The following KPNA3 variants were observed in gnomAD, a reference collection of about 807,000 sequenced individuals.
The protein encoded by KPNA3 is karyopherin subunit alpha 3.
Under a neutral mutation model 73.8 loss-of-function variants are expected in KPNA3, and 13 were observed. The ratio of observed to expected loss-of-function variants is 0.18; its 90% CI spans 0.11 to 0.28. The LOEUF (loss-of-function observed/expected upper bound fraction) is 0.28. KPNA3 is among the 10% of genes least tolerant of loss of function. The pLI, the probability that KPNA3 is intolerant of heterozygous loss-of-function variation, is 1.00. For synonymous variants in KPNA3, 186 were observed against 206.9 expected, an observed-to-expected ratio of 0.90 and a Z score of 0.87; for missense variants, 360 against 618.1, an observed-to-expected ratio of 0.58 and a Z score of 4.43.
intron 9 of KPNA3, among the ~76,000 whole-genome samples, chr13:49,720,060 C>A (rs1249032879): frequency 6.6e-6 from 1 of 152,074 alleles, no homozygotes; most frequent in African/African-American, 2.4e-5. Flanking sequence ...CCAAATAAAT[C>A]TGGCAGAAGT....
At chr13:49,713,695 C>T (rs1370990135) in intron 10 of KPNA3, among the ~76,000 whole-genome samples, 1 of 148,114 alleles carries the variant, frequency 6.8e-6, no homozygotes, top group African/African-American at 2.5e-5. Context: ...AACCCAACAA[C>T]AAAATTTCTA....
chr13:49,718,064 G>A (rs761246524), intron 10 of KPNA3, among the ~76,000 whole-genome samples: 1 of 152,042 alleles, frequency 6.6e-6, no homozygotes, highest in East Asian at 1.9e-4. Flanking sequence ...ACAGGCCTTG[G>A]ACCTGGCTTC....
rs747569703 is a variant in KPNA3 at position 49,702,386 on chromosome 13, A to C, written c.1467T>G (p.Asp489Glu). Residue 489 changes from aspartate to glutamate, a missense_variant and splice_region_variant, in exon 16 of 17, where the codon GAT becomes GAG. By Grantham distance (45) the Asp-to-Glu change is conservative. Transcript: ENST00000261667. The part of the protein sequence containing the change: ...EIIDQYFSGD[D>E]IDEDPCLIPE... ...ACACGCTATTTTAATATCTACTTAC[A>C]TCATCACCAGAGAAATACTGATCTA... 7.2e-7 allele frequency: 1 copy of C among 1,379,748 alleles called. No homozygotes were observed. The highest frequency in any genetic ancestry group is 1.0e-6 in the Non-Finnish European group (1 of 974,524). 85.5% of individuals were successfully genotyped at this position (1,379,748 alleles called of 1,614,324 possible). A position where few individuals can be genotyped will look rare whatever the true frequency, so the allele number is the denominator to read the frequency against.
intron 1 of KPNA3, among the ~76,000 whole-genome samples, chr13:49,786,404 A>G (rs976416035): frequency 3.3e-5 from 5 of 152,258 alleles, no homozygotes; most frequent in Non-Finnish European, 7.3e-5. Context: ...AAATTCACCT[A>G]GGAAAACACT....
chr13:49,792,409 G>A, intron 1 of KPNA3, 29 bp downstream of exon 1: 1 of 1,522,234 alleles, frequency 6.6e-7, no homozygotes, highest in Non-Finnish European at 8.8e-7. Context: ...GCGCGGCCAG[G>A]CGGGCCCAGA....
Position 49,740,816 on chromosome 13 carries a change from C to T in KPNA3, c.114+6133G>A, listed in dbSNP as rs534430257. 9.2e-5 allele frequency among the ~76,000 whole-genome samples: 14 copies of T among 152,230 alleles called. No homozygotes were observed. In the East Asian group the frequency reaches 1.9e-3, roughly 21 times the overall value. On this transcript the variant is annotated intron_variant, in intron 2 of 16. Transcript: ENST00000261667. ...TATCTCCCCAAATCCCTGTACCCCC[C>T]ACCCCTGGCCCCAGCCCCTGGTAAC...
chr13:49,758,380 T>C (rs1217190801), intron 1 of KPNA3, among the ~76,000 whole-genome samples: 2 of 152,166 alleles, frequency 1.3e-5, no homozygotes, highest in East Asian at 3.9e-4. Flanking sequence ...CACACTATCC[T>C]GTGTAACTTT....
intron 15 of KPNA3, among the ~76,000 whole-genome samples, chr13:49,704,436 AATAAATAAATAAATAAATAAAT>A (rs1954184158): frequency 1.5e-4 from 1 of 6,726 alleles, no homozygotes; most frequent in African/African-American, 1.6e-3. Flanking sequence ...ATAAATAAAA[AATAAATAAATAAATAAATAAAT>A]AAATAAATAA....
intron 1 of KPNA3, among the ~76,000 whole-genome samples, chr13:49,779,343 T>C (rs1285630361): frequency 6.6e-6 from 1 of 152,196 alleles, no homozygotes; most frequent in South Asian, 2.1e-4. Context: ...AGACCCTTCA[T>C]TCTCTATAGT....
At chr13:49,791,872 C>G (rs1955035842) in intron 1 of KPNA3, among the ~76,000 whole-genome samples, 1 of 152,040 alleles carries the variant, frequency 6.6e-6, no homozygotes, top group Admixed American at 6.5e-5. Context: ...TACCCTCCCC[C>G]ATCGATCACC....
At position 49,701,797 on chromosome 13, in the gene KPNA3, A is replaced by T; in HGVS notation, c.*3T>A. ...GTGGGAAAGATGCTGCACTCAACTG[A>T]ATTTAAAAATTAAATTCTTTTGTTT... On this transcript the variant is annotated 3_prime_UTR_variant, in exon 17 of 17. Coordinates refer to ENST00000261667, the MANE Select transcript of KPNA3 (RefSeq NM_002267.4). 2 of 1,572,002 alleles carry T rather than the reference A, an allele frequency of 1.3e-6. No homozygotes were observed. Among genetic ancestry groups the T allele is most frequent in the Non-Finnish European group, 8.8e-7 (1 of 1,141,642 alleles).
rs1157084955 is a variant in KPNA3, at chr13:49,699,861, CCA to C, written c.*1937_*1938del. The stretch of plus-strand genomic sequence containing the variant: ...TTGTTATTCCTACTTTTAGCGAACA[CCA>C]CACAGTTTCAAAAATTTAGACTATA... On this transcript the variant is annotated 3_prime_UTR_variant, in exon 17 of 17. Transcript: ENST00000261667. The C allele has an allele frequency of 1.3e-5, 2 of 152,520 alleles. No individual in the cohort carries two copies. The highest frequency in any genetic ancestry group is 2.9e-5 in the Non-Finnish European group (2 of 68,032). 9.4% of individuals were successfully genotyped at this position (152,520 alleles called of 1,614,324 possible).
chr13:49,783,408 TTGAAAA>T (rs1156390320), intron 1 of KPNA3, among the ~76,000 whole-genome samples: 1 of 152,168 alleles, frequency 6.6e-6, no homozygotes, highest in East Asian at 1.9e-4. Flanking sequence ...TCACCTCCAC[TTGAAAA>T]TGAGAATACA....
intron 2 of KPNA3, among the ~76,000 whole-genome samples, chr13:49,739,539 G>T (rs576064601): frequency 6.6e-6 from 1 of 152,194 alleles, no homozygotes; most frequent in Non-Finnish European, 1.5e-5. Context: ...GAGCAAGGAG[G>T]TAAAAGAAAA....
At chr13:49,719,708 C>T in intron 10 of KPNA3, 67 bp downstream of exon 10, 4 of 1,044,948 alleles carry the variant, frequency 3.8e-6, no homozygotes, top group Non-Finnish European at 5.9e-6. Context: ...TATGCTGACA[C>T]TTACATAAAA....
At chr13:49,769,586 T>C (rs1033567220) in intron 1 of KPNA3, among the ~76,000 whole-genome samples, 9 of 152,262 alleles carry the variant, frequency 5.9e-5, no homozygotes, top group Admixed American at 5.9e-4. Flanking sequence ...TTGAGATTCA[T>C]CCATGCTGTA....
chr13:49,707,377 T>C (rs1954217652), intron 12 of KPNA3, among the ~76,000 whole-genome samples: 1 of 152,234 alleles, frequency 6.6e-6, no homozygotes, highest in African/African-American at 2.4e-5. Flanking sequence ...GTGTTCACTA[T>C]ACTATTCTTG....
intron 6 of KPNA3, among the ~76,000 whole-genome samples, chr13:49,731,397 T>C (rs867222646): frequency 6.6e-6 from 1 of 152,024 alleles, no homozygotes; most frequent in African/African-American, 2.4e-5. Flanking sequence ...CCAGAATTTA[T>C]TTTTTCAACA....
intron 1 of KPNA3, among the ~76,000 whole-genome samples, chr13:49,769,128 T>C (rs1025746395): frequency 2.0e-5 from 3 of 151,518 alleles, no homozygotes; most frequent in African/African-American, 4.9e-5. Flanking sequence ...GATATTATCA[T>C]TGTTATCTAT....
Sources: allele counts gnomAD v4.1 joint callset (sites outside exome capture counted in the v4.1 genomes callset), GRCh38; gene constraint gnomAD v4.1.1; transcripts MANE v1.5; gene names NCBI Gene and HGNC (gene_info 2026-07-23, HGNC 2026-07-21).